The following HIPK2 variants were observed in gnomAD, a reference collection of about 807,000 sequenced individuals.
HIPK2 encodes homeodomain-interacting protein kinase 2.
In HIPK2, 27 loss-of-function variants were observed where a neutral mutation model predicts 113.7. That is an observed-to-expected ratio of 0.24 (90% CI 0.17 to 0.33). HIPK2 has a LOEUF of 0.33. HIPK2 is among the 10% of genes least tolerant of loss of function. The probability of loss-of-function intolerance (pLI) is 1.00; values close to 1 mark genes in which losing one functional copy is unlikely to be tolerated. For synonymous variants in HIPK2, 631 were observed against 642.2 expected, an observed-to-expected ratio of 0.98 and a Z score of 0.26; for missense variants, 1,257 against 1,588.0, an observed-to-expected ratio of 0.79 and a Z score of 3.54.
intron 1 of HIPK2, among the ~76,000 whole-genome samples, chr7:139,728,124 A>G (rs955203269): frequency 6.6e-6 from 1 of 151,372 alleles, no homozygotes; most frequent in African/African-American, 2.4e-5. Context: ...TTATTTTTTT[A>G]TAGAGACGGG....
chr7:139,642,273 G>A (rs771566117), intron 2 of HIPK2, among the ~76,000 whole-genome samples: 20 of 152,324 alleles, frequency 1.3e-4, no homozygotes, highest in Middle Eastern at 6.8e-3. Flanking sequence ...GCTCTGAGCC[G>A]CTGTTTGAGC....
At chr7:139,696,879 T>C (rs1206601557) in intron 2 of HIPK2, among the ~76,000 whole-genome samples, 1 of 152,148 alleles carries the variant, frequency 6.6e-6, no homozygotes, top group African/African-American at 2.4e-5. Context: ...ACTGCATGTG[T>C]GGATTTCATC....
intron 2 of HIPK2, among the ~76,000 whole-genome samples, chr7:139,703,145 A>C (rs1794762423): frequency 6.6e-6 from 1 of 152,184 alleles, no homozygotes. Flanking sequence ...ATTATCAACA[A>C]TTTCCCTAGA....
chr7:139,757,987 C>T (rs1796389545), intron 1 of HIPK2, among the ~76,000 whole-genome samples: 2 of 152,182 alleles, frequency 1.3e-5, no homozygotes, highest in Non-Finnish European at 2.9e-5. Context: ...AACTTTTATA[C>T]ATTACTAAAG....
intron 1 of HIPK2, among the ~76,000 whole-genome samples, chr7:139,776,610 A>C (rs1785448244): frequency 3.1e-5 from 4 of 130,732 alleles, no homozygotes; most frequent in Non-Finnish European, 1.5e-5. Context: ...AAACCGAAAG[A>C]AAGCCGGGGG....
chr7:139,729,324 TGAGA>T (rs71170912), intron 1 of HIPK2, among the ~76,000 whole-genome samples: 4,271 of 68,810 alleles, frequency 0.062, 161 homozygotes, highest in Non-Finnish European at 0.082. Context: ...ACCCTGTCTC[TGAGA>T]GAGAGAGAGA....
intron 11 of HIPK2, among the ~76,000 whole-genome samples, chr7:139,597,889 T>C (rs1799278506): frequency 6.6e-6 from 1 of 152,184 alleles, no homozygotes; most frequent in South Asian, 2.1e-4. Flanking sequence ...TTACCTGAAA[T>C]GCTTGGTCCA....
intron 2 of HIPK2, among the ~76,000 whole-genome samples, chr7:139,688,560 G>A (rs764358955): frequency 2.0e-5 from 3 of 152,174 alleles, no homozygotes; most frequent in Non-Finnish European, 4.4e-5. Context: ...ATGGTTGGGG[G>A]TATGATCCCA....
intron 2 of HIPK2, among the ~76,000 whole-genome samples, chr7:139,711,220 G>T (rs1795056333): frequency 6.6e-6 from 1 of 152,120 alleles, no homozygotes; most frequent in African/African-American, 2.4e-5. Flanking sequence ...AAGGTCAGGA[G>T]ATTGAGATCA....
At chr7:139,664,025 C>A (rs961732895) in intron 2 of HIPK2, among the ~76,000 whole-genome samples, 1 of 152,218 alleles carries the variant, frequency 6.6e-6, no homozygotes. Flanking sequence ...TCTGCCCCCA[C>A]GCTTGGTACC....
chr7:139,667,842 T>C (rs778202713), intron 2 of HIPK2, among the ~76,000 whole-genome samples: 5 of 152,184 alleles, frequency 3.3e-5, no homozygotes, highest in Admixed American at 1.3e-4. Context: ...CAATTACTTG[T>C]GGCTGGGAGC....
chr7:139,646,803 C>T (rs888722244), intron 2 of HIPK2, among the ~76,000 whole-genome samples: 2 of 151,788 alleles, frequency 1.3e-5, no homozygotes, highest in Non-Finnish European at 2.9e-5. Flanking sequence ...GAAAGGAAGG[C>T]AGGAGGAAGG....
At chr7:139,726,292 GGGACCC>G (rs1795572518) in intron 1 of HIPK2, among the ~76,000 whole-genome samples, 1 of 152,148 alleles carries the variant, frequency 6.6e-6, no homozygotes, top group South Asian at 2.1e-4. Context: ...AGGGGTAAGG[GGGACCC>G]GGACTAAGGA....
At chr7:139,702,784 A>G (rs1794750068) in intron 2 of HIPK2, among the ~76,000 whole-genome samples, 1 of 152,202 alleles carries the variant, frequency 6.6e-6, no homozygotes, top group Non-Finnish European at 1.5e-5. Flanking sequence ...CTCAGCCTTC[A>G]TCTTCTCTCT....
Position 139,563,999 on chromosome 7 carries a change from T to C in HIPK2, c.*8928A>G, listed in dbSNP as rs116598434. The stretch of plus-strand genomic sequence containing the variant: ...CCCATTCCTGTCTCGAAGCATCTTC[T>C]TGTTCCAAATATGATGTCTGTTTAG... On this transcript the variant is annotated 3_prime_UTR_variant, in exon 15 of 15. Coordinates refer to ENST00000406875, the MANE Select transcript of HIPK2 (RefSeq NM_022740.5). 3.7e-3 allele frequency: 1,479 copies of C among 398,560 alleles called. 21 individuals are homozygous for C. The highest frequency in any genetic ancestry group is 0.025 in the African/African-American group (1,222 of 48,738). The allele number at this position is 398,560 out of a possible 1,614,324, so 24.7% of individuals were successfully genotyped here.
At chr7:139,751,969 A>C (rs1796285928) in intron 1 of HIPK2, among the ~76,000 whole-genome samples, 2 of 152,074 alleles carry the variant, frequency 1.3e-5, no homozygotes, top group South Asian at 4.2e-4. Flanking sequence ...GGGAAGAAGA[A>C]AAGGAGGGAG....
chr7:139,695,994 G>C (rs1794555865), intron 2 of HIPK2, among the ~76,000 whole-genome samples: 1 of 152,332 alleles, frequency 6.6e-6, no homozygotes, highest in East Asian at 1.9e-4. Flanking sequence ...ATCAGGATTT[G>C]AGGAAGAACA....
intron 6 of HIPK2, among the ~76,000 whole-genome samples, chr7:139,623,703 A>G (rs1377108980): frequency 1.3e-5 from 2 of 152,122 alleles, no homozygotes; most frequent in Non-Finnish European, 2.9e-5. Flanking sequence ...CAGAAATGAA[A>G]TGGAGGCCCC....
intron 1 of HIPK2, among the ~76,000 whole-genome samples, chr7:139,745,196 A>C (rs1191411001): frequency 1.3e-5 from 2 of 152,238 alleles, no homozygotes; most frequent in Non-Finnish European, 1.5e-5. Flanking sequence ...CCCAGCTAGA[A>C]GATCACTCGG....
Sources: allele counts gnomAD v4.1 joint callset (sites outside exome capture counted in the v4.1 genomes callset), GRCh38; gene constraint gnomAD v4.1.1; transcripts MANE v1.5; gene names NCBI Gene and HGNC (gene_info 2026-07-23, HGNC 2026-07-21).